Variants in EPRS1 observed in about 807,000 individuals in gnomAD.
EPRS1 encodes bifunctional glutamate/proline--tRNA ligase.
In EPRS1, 107 loss-of-function variants were observed where a neutral mutation model predicts 188.3. The ratio of observed to expected loss-of-function variants is 0.57; its 90% CI spans 0.49 to 0.67. EPRS1 has a LOEUF of 0.67. EPRS1 is among the 30% of genes least tolerant of loss of function. The probability of loss-of-function intolerance (pLI) is 0.00; values close to 1 mark genes in which losing one functional copy is unlikely to be tolerated. For synonymous variants in EPRS1, 596 were observed against 593.1 expected (o/e 1.00, Z -0.07); for missense variants, 1,577 against 1,802.2 (o/e 0.88, Z 2.26).
At position 219,980,314 on chromosome 1, in the gene EPRS1, C is replaced by A. The variant is rs546954085; in HGVS notation, c.3556-74G>T. 3 of 1,132,452 alleles carry A rather than the reference C, an allele frequency of 2.6e-6. No individual in the cohort carries two copies. In the South Asian group the frequency reaches 4.4e-5, roughly 17 times the overall value. 70.2% of individuals were successfully genotyped at this position (1,132,452 alleles called of 1,614,324 possible). On this transcript the variant is annotated intron_variant, in intron 25 of 31. Coordinates refer to ENST00000366923, the MANE Select transcript of EPRS1 (RefSeq NM_004446.3). ...CATTAAGATCTATAAAACTGCACTACTTAAGACTAATTGTGTGGGAAAAGC... is the reference window on the plus strand; with the variant it reads ...CATTAAGATCTATAAAACTGCACTAATTAAGACTAATTGTGTGGGAAAAGC...
rs1321743695 is a variant in EPRS1 at position 220,007,261 on chromosome 1, C to T, written c.1683G>A (p.Ser561=). The T allele has an allele frequency of 5.6e-6, 9 of 1,613,694 alleles. No homozygotes were observed. The highest frequency in any genetic ancestry group is 3.3e-5 in the Admixed American group (2 of 59,996). ...FIEGADAETF[S]EGEMVTFINW... Reference sequence around the variant, plus strand: ...TTATAAATGTAACCATCTCACCCTCCGAAAAAGTCTCTGCATCAGCACCTT... The same window carrying T: ...TTATAAATGTAACCATCTCACCCTCTGAAAAAGTCTCTGCATCAGCACCTT... The change falls in exon 14 of 32, where the codon TCG becomes TCA. Residue 561 remains serine (S), a synonymous_variant. Coordinates refer to ENST00000366923, the MANE Select transcript of EPRS1 (RefSeq NM_004446.3).
chr1:219,981,273 G>T, intron 24 of EPRS1, 105 bp downstream of exon 24: 1 of 639,164 alleles, frequency 1.6e-6, no homozygotes, highest in Non-Finnish European at 2.6e-6. Context: ...TTCAAAAACA[G>T]TTCCATACTC....
Position 220,018,515 on chromosome 1 carries a change from A to G in EPRS1, c.1435-7T>C. ...CGACTGAACGTGAGGAGCCCTAAAA[A>G]ACAATAACAACATGATTTTAAGGGC... On this transcript the variant is annotated splice_polypyrimidine_tract_variant and splice_region_variant and intron_variant, in intron 11 of 31. Transcript: ENST00000366923. The G allele has an allele frequency of 6.2e-7, 1 of 1,601,528 alleles. No homozygotes were observed. The highest frequency in any genetic ancestry group is 8.6e-7 in the Non-Finnish European group (1 of 1,169,402).
chr1:219,991,019 A>C (rs771848770), intron 18 of EPRS1, among the ~76,000 whole-genome samples: 1 of 152,192 alleles, frequency 6.6e-6, no homozygotes, highest in Non-Finnish European at 1.5e-5. Flanking sequence ...CCTATACAAA[A>C]GACTTTGGTA....
chr1:220,011,140 T>C, intron 12 of EPRS1, 84 bp from the exon 13 acceptor site: 1 of 745,462 alleles, frequency 1.3e-6, no homozygotes, highest in South Asian at 1.7e-5. Context: ...ACAGGAATAC[T>C]AACTGGCTTT....
chr1:219,989,040 C>G (rs1450558795), intron 18 of EPRS1, among the ~76,000 whole-genome samples: 1 of 152,088 alleles, frequency 6.6e-6, no homozygotes. Flanking sequence ...CAACATACAA[C>G]AGTGTAACTT....
intron 20 of EPRS1, among the ~76,000 whole-genome samples, chr1:219,985,503 G>C (rs369970973): frequency 2.0e-5 from 3 of 151,896 alleles, no homozygotes; most frequent in Non-Finnish European, 2.9e-5. Flanking sequence ...AGCGATTCTC[G>C]TGCCTCAGCC....
chr1:220,006,781 G>A (rs994773082), intron 14 of EPRS1, among the ~76,000 whole-genome samples: 5 of 152,122 alleles, frequency 3.3e-5, no homozygotes, highest in Non-Finnish European at 5.9e-5. Context: ...ATATTCCTAA[G>A]TGTAGCACAC....
At chr1:220,040,369 G>T in intron 1 of EPRS1, 100 bp from the exon 2 acceptor site, 1 of 754,962 alleles carries the variant, frequency 1.3e-6, no homozygotes, top group South Asian at 1.8e-5. Context: ...CCAATATTAA[G>T]TCCTACAAGG....
At chr1:220,018,850 TAAAA>T in intron 11 of EPRS1, 141 bp downstream of exon 11, 31 of 357,050 alleles carry the variant, frequency 8.7e-5, no homozygotes, top group Non-Finnish European at 1.3e-4. Context: ...AAGTTTGTTT[TAAAA>T]AAAAAAAAAA....
chr1:220,026,960 TA>T (rs1380775505), intron 6 of EPRS1, among the ~76,000 whole-genome samples: 6 of 152,068 alleles, frequency 3.9e-5, no homozygotes, highest in Non-Finnish European at 7.4e-5. Context: ...ATCAAGTTTT[TA>T]AAAGTCATTA....
In EPRS1 at chr1:220,046,384, G is replaced by C; in HGVS notation, c.5C>G (p.Ala2Gly). Residue 2 changes from alanine (A) to glycine (G), a missense_variant, in exon 1 of 32, where the codon GCG (alanine) becomes GGG (glycine). Transcript: ENST00000366923. M[A>G]TLSLTVNSGD... ...TGAATTCACGGTCAGAGAGAGCGTCGCCATCTCCACCAGTCCGCTGGTCCA... is the reference window on the plus strand; with the variant it reads ...TGAATTCACGGTCAGAGAGAGCGTCCCCATCTCCACCAGTCCGCTGGTCCA... The C allele has an allele frequency of 6.2e-7, 1 of 1,613,950 alleles. No homozygotes were observed. The highest frequency in any genetic ancestry group is 8.5e-7 in the Non-Finnish European group (1 of 1,179,970).
At chr1:220,022,767 C>T (rs975775992) in intron 8 of EPRS1, among the ~76,000 whole-genome samples, 2 of 152,216 alleles carry the variant, frequency 1.3e-5, no homozygotes, top group Non-Finnish European at 2.9e-5. Context: ...ACATTCCACT[C>T]ATGTGGTATC....
intron 9 of EPRS1, 148 bp from the exon 10 acceptor site, chr1:220,020,369 A>G: frequency 1.7e-6 from 1 of 585,014 alleles, no homozygotes; most frequent in Non-Finnish European, 3.0e-6. Flanking sequence ...TTAATACTCA[A>G]AGTGTATCAA....
At chr1:219,969,481 A>C (rs191106021) in intron 30 of EPRS1, among the ~76,000 whole-genome samples, 1 of 152,262 alleles carries the variant, frequency 6.6e-6, no homozygotes, top group Admixed American at 6.5e-5. Context: ...CTACCTATCT[A>C]AATAGTTATC....
Position 219,988,619 on chromosome 1 carries a change from G to C in EPRS1, c.2746C>G (p.Arg916Gly), listed in dbSNP as rs267598382. 4.3e-6 allele frequency: 7 copies of C among 1,613,232 alleles called. No homozygotes were observed. Among genetic ancestry groups the C allele is most frequent in the East Asian group, 4.5e-5 (2 of 44,854 alleles). The change falls in exon 19 of 32, where the codon CGG (arginine) becomes GGG (glycine). Residue 916 changes from arginine to glycine, a missense_variant. Arg to Gly is a moderately radical substitution (Grantham distance 125). Coordinates refer to ENST00000366923, the MANE Select transcript of EPRS1 (RefSeq NM_004446.3). ...DKVASQGEVV[R>G]KLKTEKAPKD... is the part of the protein sequence containing the mutation. ...GGGGCTTTTTCAGTTTTAAGTTTCC[G>C]AACTACTTCCCCTTGAGAAGCTACT...
Position 219,971,795 on chromosome 1 carries a change from T to TATATATATACACAC in EPRS1, c.4323+273_4323+274insGTGTGTATATATAT, listed in dbSNP as rs140568859. ...GTAGAAAACAAAGACTATATATATA[T>TATATATATACACAC]ACATATACACACACACTATATTTAT... On this transcript the variant is annotated intron_variant, in intron 30 of 31. Coordinates refer to ENST00000366923, the MANE Select transcript of EPRS1 (RefSeq NM_004446.3). 9.2e-5 allele frequency among the ~76,000 whole-genome samples: 10 copies of TATATATATACACAC among 108,428 alleles called. 1 individual carries two copies. Among genetic ancestry groups the TATATATATACACAC allele is most frequent in the South Asian group, 6.6e-4 (2 of 3,032 alleles). 71.1% of individuals were successfully genotyped at this position (108,428 alleles called of 152,430 possible).
At chr1:220,024,720 G>A (rs1257176576) in intron 7 of EPRS1, among the ~76,000 whole-genome samples, 1 of 152,132 alleles carries the variant, frequency 6.6e-6, no homozygotes, top group African/African-American at 2.4e-5. Flanking sequence ...TCATTACTGG[G>A]AGAACTGACA....
intron 20 of EPRS1, among the ~76,000 whole-genome samples, chr1:219,986,688 A>G (rs776507081): frequency 6.6e-6 from 1 of 152,184 alleles, no homozygotes; most frequent in Non-Finnish European, 1.5e-5. Context: ...AGTCCCCACA[A>G]AAGATCTTCA....
Sources: gnomAD v4.1 joint callset for allele counts (sites outside exome capture counted in the v4.1 genomes callset) on GRCh38, gnomAD v4.1.1 for gene constraint, MANE v1.5 for transcripts, NCBI Gene and HGNC (gene_info 2026-07-23, HGNC 2026-07-21) for gene names.